The following PDE10A variants were observed in gnomAD, a reference collection of about 807,000 sequenced individuals.
PDE10A encodes the protein phosphodiesterase 10A.
A neutral mutation model predicts 97.7 loss-of-function variants in PDE10A; 39 were observed. That is an observed-to-expected ratio of 0.40 (90% CI 0.31 to 0.52). PDE10A has a LOEUF of 0.52. Among genes scored for constraint, PDE10A ranks in the 20% least tolerant of loss-of-function variants. The pLI is 0.56. For synonymous variants in PDE10A, 371 were observed against 376.8 expected (o/e 0.98, Z 0.18); for missense variants, 731 against 1,047.8 (o/e 0.70, Z 4.17).
chr6:165,794,749 A>G (rs1178700480), intron 1 of PDE10A, among the ~76,000 whole-genome samples: 3 of 152,226 alleles, frequency 2.0e-5, no homozygotes, highest in African/African-American at 7.2e-5. Context: ...ATTCCCTGAG[A>G]ATTGATGTCT....
chr6:165,466,261 C>T (rs1000454269), intron 3 of PDE10A, among the ~76,000 whole-genome samples: 47 of 152,170 alleles, frequency 3.1e-4, no homozygotes, highest in African/African-American at 8.7e-4. Flanking sequence ...ACAAGTTTAG[C>T]GAAAAGGGAT....
intron 1 of PDE10A, among the ~76,000 whole-genome samples, chr6:165,961,743 C>T (rs1044228565): frequency 2.0e-5 from 3 of 152,216 alleles, no homozygotes; most frequent in African/African-American, 4.8e-5. Context: ...AGCCCCAGAA[C>T]AAAACCACAA....
At chr6:165,866,992 C>G (rs1583210404) in intron 1 of PDE10A, among the ~76,000 whole-genome samples, 1 of 151,856 alleles carries the variant, frequency 6.6e-6, no homozygotes, top group East Asian at 1.9e-4. Flanking sequence ...CATGAAAACA[C>G]ACAAAAATAT....
At chr6:165,869,054 C>T (rs1206466193) in intron 1 of PDE10A, among the ~76,000 whole-genome samples, 1 of 152,066 alleles carries the variant, frequency 6.6e-6, no homozygotes, top group Non-Finnish European at 1.5e-5. Context: ...CAAGGATGCC[C>T]ACTATCACCA....
At chr6:165,774,821 A>AC (rs1219728923) in intron 1 of PDE10A, 1 of 117,516 alleles carries the variant, frequency 8.5e-6, no homozygotes, top group East Asian at 2.6e-4. Context: ...AAGTTTTATT[A>AC]CTTTTTTTTC....
chr6:165,868,587 G>A (rs1583212118), intron 1 of PDE10A, among the ~76,000 whole-genome samples: 1 of 152,018 alleles, frequency 6.6e-6, no homozygotes, highest in East Asian at 1.9e-4. Flanking sequence ...AACTTCTAAA[G>A]AACAAATAAG....
At chr6:165,469,457 A>G (rs1485937991) in intron 3 of PDE10A, among the ~76,000 whole-genome samples, 3 of 152,230 alleles carry the variant, frequency 2.0e-5, no homozygotes, top group Non-Finnish European at 4.4e-5. Context: ...AGTTCCTGAA[A>G]AGAAATTTAG....
chr6:165,605,368 T>A (rs1002065042), intron 1 of PDE10A, among the ~76,000 whole-genome samples: 1 of 152,228 alleles, frequency 6.6e-6, no homozygotes, highest in Non-Finnish European at 1.5e-5. Context: ...GGACTGCCCG[T>A]GGCACCTGCA....
intron 1 of PDE10A, among the ~76,000 whole-genome samples, chr6:165,585,784 TAAC>T (rs1029736883): frequency 1.3e-5 from 2 of 152,154 alleles, no homozygotes; most frequent in African/African-American, 4.8e-5. Flanking sequence ...TATAGGTGCT[TAAC>T]AATAAAACAT....
intron 1 of PDE10A, among the ~76,000 whole-genome samples, chr6:165,611,806 T>C (rs828572): frequency 0.014 from 2,134 of 152,390 alleles, 49 homozygotes; most frequent in African/African-American, 0.048. Flanking sequence ...GATAATGTAC[T>C]GTTCAGGTTT....
chr6:165,533,396 C>T (rs1178586621), intron 2 of PDE10A, among the ~76,000 whole-genome samples: 1 of 152,150 alleles, frequency 6.6e-6, no homozygotes, highest in East Asian at 1.9e-4. Context: ...AGGCTCCAAA[C>T]CTGTACAGCA....
intron 1 of PDE10A, among the ~76,000 whole-genome samples, chr6:165,650,633 G>A (rs1402745216): frequency 1.3e-5 from 2 of 152,094 alleles, no homozygotes; most frequent in Non-Finnish European, 2.9e-5. Flanking sequence ...CCATTAGATG[G>A]TTTCCAATGT....
chr6:165,535,701 G>A (rs1281682530), intron 2 of PDE10A, among the ~76,000 whole-genome samples: 1 of 151,234 alleles, frequency 6.6e-6, no homozygotes, highest in African/African-American at 2.4e-5. Flanking sequence ...GAATAGTGCT[G>A]CAATAAACAT....
intron 2 of PDE10A, among the ~76,000 whole-genome samples, chr6:165,494,261 G>A (rs752297129): frequency 9.2e-5 from 14 of 152,080 alleles, no homozygotes; most frequent in Non-Finnish European, 1.3e-4. Context: ...ACAGTGTGGC[G>A]ATTCCTTAAA....
rs1288734790 is a variant in PDE10A at position 165,708,647 on chromosome 6, T to G, written c.-614-165079A>C. Among the ~76,000 whole-genome samples the G allele has an allele frequency of 2.6e-5, 4 of 151,786 alleles. No homozygotes were observed. The South Asian group carries it at 6.2e-4, about 24-fold the overall frequency. Reference sequence around the variant, plus strand: ...TGAAACCAACCCAGGAATGCCTCCTTGCATCCAATCGACCCGGCCGACCCA... The same window carrying G: ...TGAAACCAACCCAGGAATGCCTCCTGGCATCCAATCGACCCGGCCGACCCA... On this transcript the variant is annotated intron_variant, in intron 1 of 19. Coordinates refer to the PDE10A transcript ENST00000366882.
At chr6:165,952,532 C>T (rs959897948) in intron 1 of PDE10A, among the ~76,000 whole-genome samples, 1 of 152,200 alleles carries the variant, frequency 6.6e-6, no homozygotes, top group Non-Finnish European at 1.5e-5. Context: ...AGTGTTGATT[C>T]TTAAATATGA....
intron 1 of PDE10A, among the ~76,000 whole-genome samples, chr6:165,750,362 T>G (rs1475758300): frequency 3.9e-5 from 6 of 152,192 alleles, no homozygotes; most frequent in African/African-American, 1.4e-4. Context: ...CTCCATGGGC[T>G]CTCTCAAAAG....
chr6:165,593,185 A>T (rs1381468564), intron 1 of PDE10A, among the ~76,000 whole-genome samples: 1 of 152,218 alleles, frequency 6.6e-6, no homozygotes, highest in African/African-American at 2.4e-5. Flanking sequence ...CATTCTCAGC[A>T]AACTAACACA....
intron 1 of PDE10A, among the ~76,000 whole-genome samples, chr6:165,873,121 G>T (rs372032074): frequency 2.3e-4 from 35 of 152,288 alleles, no homozygotes; most frequent in African/African-American, 8.4e-4. Flanking sequence ...ATGTTCGGGG[G>T]AGCAGCCAGA....
Sources: allele counts gnomAD v4.1 joint callset (sites outside exome capture counted in the v4.1 genomes callset), GRCh38; gene constraint gnomAD v4.1.1; transcripts MANE v1.5; gene names NCBI Gene and HGNC (gene_info 2026-07-23, HGNC 2026-07-21).